CAP2: variants seen among roughly 807,000 people sequenced by gnomAD.
The protein encoded by CAP2 is adenylyl cyclase-associated protein 2.
In CAP2, 24 loss-of-function variants were observed where a neutral mutation model predicts 57.7. The observed-to-expected ratio is 0.42, with a 90% CI of 0.30 to 0.58. CAP2 has a LOEUF of 0.58. CAP2 is among the 20% of genes least tolerant of loss of function. The pLI is 0.22. For synonymous variants in CAP2, 194 were observed against 207.2 expected, an observed-to-expected ratio of 0.94 and a Z score of 0.55; for missense variants, 501 against 590.3, an observed-to-expected ratio of 0.85 and a Z score of 1.57.
chr6:17,395,640 A>G (rs181002494), intron 1 of CAP2, among the ~76,000 whole-genome samples: 20 of 152,336 alleles, frequency 1.3e-4, no homozygotes, highest in Admixed American at 4.6e-4. Context: ...CCAGAAAAGC[A>G]TTAACTTATT....
chr6:17,442,517 C>T (rs185596757), intron 3 of CAP2, among the ~76,000 whole-genome samples: 1 of 152,248 alleles, frequency 6.6e-6, no homozygotes, highest in Admixed American at 6.5e-5. Flanking sequence ...TGGGAAAAAA[C>T]TGATTGAGTC....
intron 3 of CAP2, among the ~76,000 whole-genome samples, chr6:17,449,361 A>G (rs1760344818): frequency 6.6e-6 from 1 of 152,120 alleles, no homozygotes; most frequent in Non-Finnish European, 1.5e-5. Flanking sequence ...TTTTGACCCT[A>G]TTGTAAACCA....
chr6:17,413,045 T>A (rs1191373180), intron 1 of CAP2, among the ~76,000 whole-genome samples: 1 of 152,070 alleles, frequency 6.6e-6, no homozygotes, highest in Non-Finnish European at 1.5e-5. Context: ...GTTGTCCCTG[T>A]GGCATGTGGG....
chr6:17,436,077 C>A (rs572935300), intron 3 of CAP2, among the ~76,000 whole-genome samples: 2 of 121,930 alleles, frequency 1.6e-5, no homozygotes, highest in South Asian at 5.4e-4. Flanking sequence ...ATCTTTCTTT[C>A]TTTCTTTCTT....
intron 1 of CAP2, 40 bp from the exon 2 acceptor site, chr6:17,421,515 G>T (rs779990201): frequency 5.0e-6 from 8 of 1,612,994 alleles, no homozygotes; most frequent in Non-Finnish European, 6.8e-6. Context: ...CATCCTCCCT[G>T]ATGCTCACGC....
intron 4 of CAP2, among the ~76,000 whole-genome samples, chr6:17,504,029 T>C (rs1383183846): frequency 1.3e-5 from 2 of 152,214 alleles, no homozygotes; most frequent in African/African-American, 4.8e-5. Context: ...TTTCTTTCCC[T>C]GTATTTCTTT....
chr6:17,477,538 C>T (rs1364627236), intron 4 of CAP2, among the ~76,000 whole-genome samples: 1 of 152,138 alleles, frequency 6.6e-6, no homozygotes. Context: ...CTCTGAAAAC[C>T]TCCTCTTGTC....
Position 17,542,911 on chromosome 6 carries a change from C to T in CAP2, c.1077C>T (p.Cys359=), listed in dbSNP as rs775228317. ...ELKQVAYIFK[C]EKSTIQIKGK... ...AACAAGTGGCTTACATTTTCAAATG[C>T]GAAAAATCAACTATTCAGATAAAAG... Residue 359 remains cysteine (C), a synonymous_variant, in exon 10 of 13, where the codon TGC becomes TGT. Coordinates refer to ENST00000229922, the MANE Select transcript of CAP2 (RefSeq NM_006366.3). 25 of 1,613,178 alleles carry T rather than the reference C, an allele frequency of 1.5e-5. No homozygotes were observed. In the East Asian group the frequency reaches 2.2e-4, roughly 14 times the overall value.
chr6:17,500,357 A>T (rs1581572570), intron 4 of CAP2, among the ~76,000 whole-genome samples: 1 of 88,024 alleles, frequency 1.1e-5, no homozygotes, highest in Non-Finnish European at 2.2e-5. Context: ...ATATATATAT[A>T]TATATATATA....
Position 17,556,456 on chromosome 6 carries a change from C to A in CAP2, c.*14C>A. 6.4e-7 allele frequency: 1 copy of A among 1,572,000 alleles called. No homozygotes were observed. The highest frequency in any genetic ancestry group is 1.7e-4 in the Middle Eastern group (1 of 5,996). On this transcript the variant is annotated 3_prime_UTR_variant, in exon 13 of 13. Coordinates refer to ENST00000229922, the MANE Select transcript of CAP2 (RefSeq NM_006366.3). ...ATTATGGCCTAACTTCCTGAGAGAC[C>A]GAACCCCCTCACCTGAATCCCCCTC...
At chr6:17,545,012 C>A (rs1364336713) in intron 11 of CAP2, among the ~76,000 whole-genome samples, 1 of 152,204 alleles carries the variant, frequency 6.6e-6, no homozygotes, top group Non-Finnish European at 1.5e-5. Context: ...TGAGACCACA[C>A]TTTCTGAAGA....
At chr6:17,523,079 TA>T (rs1762426878) in intron 7 of CAP2, among the ~76,000 whole-genome samples, 1 of 152,062 alleles carries the variant, frequency 6.6e-6, no homozygotes. Context: ...AATAATGACT[TA>T]GGAATTGCAT....
intron 12 of CAP2, among the ~76,000 whole-genome samples, 166 bp downstream of exon 12, chr6:17,551,770 A>C (rs1763176903): frequency 6.6e-6 from 1 of 152,178 alleles, no homozygotes; most frequent in South Asian, 2.1e-4. Flanking sequence ...CCCGCCTATT[A>C]GCTTCTTGAC....
Position 17,480,281 on chromosome 6 carries a change from T to C in CAP2, c.300+17208T>C, listed in dbSNP as rs531993242. 4.6e-4 allele frequency among the ~76,000 whole-genome samples: 70 copies of C among 152,270 alleles called. No individual in the cohort carries two copies. In the South Asian group the frequency reaches 9.9e-3, roughly 22 times the overall value. On this transcript the variant is annotated intron_variant, in intron 4 of 12. Coordinates refer to ENST00000229922, the MANE Select transcript of CAP2 (RefSeq NM_006366.3). Reference sequence around the variant, plus strand: ...CAGCAAATCCATTATCCCAATCACATTGGACAACACAAGTGCTATGAACAT... The same window carrying C: ...CAGCAAATCCATTATCCCAATCACACTGGACAACACAAGTGCTATGAACAT...
chr6:17,490,954 A>G (rs1761528398), intron 4 of CAP2, among the ~76,000 whole-genome samples: 1 of 152,216 alleles, frequency 6.6e-6, no homozygotes, highest in Non-Finnish European at 1.5e-5. Flanking sequence ...TTCCCGTGCA[A>G]GTAAACTCTT....
chr6:17,399,909 A>T (rs1341170096), intron 1 of CAP2, among the ~76,000 whole-genome samples: 2 of 152,130 alleles, frequency 1.3e-5, no homozygotes, highest in Non-Finnish European at 2.9e-5. Context: ...GGGAAGTTAG[A>T]TGCTGGAGAC....
chr6:17,473,696 T>G (rs1320995), intron 4 of CAP2, among the ~76,000 whole-genome samples: 68,957 of 152,010 alleles, frequency 0.45, 17,465 homozygotes, highest in East Asian at 0.79. Flanking sequence ...CATTCCAGTC[T>G]GGATCTGCTG....
chr6:17,404,729 C>T (rs1334654181), intron 1 of CAP2, among the ~76,000 whole-genome samples: 2 of 150,376 alleles, frequency 1.3e-5, no homozygotes, highest in African/African-American at 4.9e-5. Context: ...CAAGATCGCG[C>T]CACTGCACTC....
intron 3 of CAP2, among the ~76,000 whole-genome samples, chr6:17,461,809 T>A (rs182547347): frequency 2.7e-5 from 4 of 149,154 alleles, no homozygotes; most frequent in Admixed American, 2.7e-4. Flanking sequence ...TGGCGAACAC[T>A]GTGAAACCCC....
Sources: allele counts gnomAD v4.1 joint callset (sites outside exome capture counted in the v4.1 genomes callset), GRCh38; gene constraint gnomAD v4.1.1; transcripts MANE v1.5; gene names NCBI Gene and HGNC (gene_info 2026-07-23, HGNC 2026-07-21).